Variants in DOCK10 observed in about 807,000 individuals in gnomAD.
DOCK10 encodes dedicator of cytokinesis protein 10.
DOCK10 carries 145 observed loss-of-function variants against 280.1 expected under a neutral mutation model. That is an observed-to-expected ratio of 0.52 (90% CI 0.45 to 0.59). The LOEUF (loss-of-function observed/expected upper bound fraction) is 0.59. Ranked by LOEUF, DOCK10 falls within the 20% of genes least tolerant of loss-of-function variation. The pLI is 0.00. For missense variants in DOCK10, 2,368 were observed against 2,651.7 expected (o/e 0.89, Z 2.35); for synonymous variants, 915 against 942.2 (o/e 0.97, Z 0.53).
intron 1 of DOCK10, among the ~76,000 whole-genome samples, chr2:225,033,505 T>C (rs1690139895): frequency 1.3e-5 from 2 of 152,184 alleles, no homozygotes; most frequent in South Asian, 4.1e-4. Context: ...TCTTCTAATC[T>C]CTGAGGCAGA....
rs762258455 is a variant in DOCK10, at chr2:224,775,101, A to C, written c.5817T>G (p.Asp1939Glu). The change falls in exon 52 of 56, where the codon GAT becomes GAG. Residue 1939 changes from aspartate to glutamate, a missense_variant. Transcript: ENST00000258390. ...GGATGTAGGCATATTTGGGGTCCAAATCCTTGGGGTTTACCTGTGTTAACA... is the reference window on the plus strand; with the variant it reads ...GGATGTAGGCATATTTGGGGTCCAACTCCTTGGGGTTTACCTGTGTTAACA... ...IQDSNKVNPKDLDPKYAYIQV... is the reference protein window; with the variant it reads ...IQDSNKVNPKELDPKYAYIQV... The C allele has an allele frequency of 6.2e-7, 1 of 1,613,976 alleles. No individual in the cohort carries two copies. Among genetic ancestry groups the C allele is most frequent in the Admixed American group, 1.7e-5 (1 of 60,014 alleles).
chr2:224,814,603 C>T (rs930488602), intron 30 of DOCK10, among the ~76,000 whole-genome samples: 4 of 152,138 alleles, frequency 2.6e-5, no homozygotes, highest in Admixed American at 2.0e-4. Flanking sequence ...CTGACTGCAA[C>T]CTCTGCCTCC....
chr2:224,978,186 G>A (rs1705543787), intron 1 of DOCK10, among the ~76,000 whole-genome samples: 1 of 152,190 alleles, frequency 6.6e-6, no homozygotes, highest in Non-Finnish European at 1.5e-5. Context: ...TGTAATACCA[G>A]CACTTTGGGA....
chr2:224,976,961 G>A (rs1354861977), intron 1 of DOCK10, among the ~76,000 whole-genome samples: 5 of 152,176 alleles, frequency 3.3e-5, no homozygotes, highest in Admixed American at 6.5e-5. Flanking sequence ...GTGCTGGACC[G>A]AGCAAATTCT....
intron 33 of DOCK10, among the ~76,000 whole-genome samples, chr2:224,806,535 T>C (rs1327391599): frequency 1.3e-5 from 2 of 152,184 alleles, no homozygotes; most frequent in Non-Finnish European, 2.9e-5. Context: ...ACATTATAGA[T>C]ATAATTATTA....
chr2:225,037,046 T>G (rs1690280555), intron 1 of DOCK10, among the ~76,000 whole-genome samples: 1 of 152,126 alleles, frequency 6.6e-6, no homozygotes, highest in Admixed American at 6.5e-5. Flanking sequence ...CACAACTCAG[T>G]TAAATGGTAA....
intron 1 of DOCK10, among the ~76,000 whole-genome samples, chr2:224,960,730 CT>C (rs71281764): frequency 1.5e-3 from 102 of 70,246 alleles, no homozygotes; most frequent in African/African-American, 4.1e-3. Flanking sequence ...TCACCAAATT[CT>C]TTTTTTTTTT....
At chr2:225,000,837 A>C (rs1254202343) in intron 1 of DOCK10, among the ~76,000 whole-genome samples, 1 of 152,144 alleles carries the variant, frequency 6.6e-6, no homozygotes, top group Non-Finnish European at 1.5e-5. Flanking sequence ...TTAGCTGAGC[A>C]TGGTGGCTTA....
At chr2:224,771,147 T>C (rs1690416575) in intron 53 of DOCK10, among the ~76,000 whole-genome samples, 1 of 152,046 alleles carries the variant, frequency 6.6e-6, no homozygotes, top group Non-Finnish European at 1.5e-5. Context: ...GCGGTCTCAC[T>C]ACATTGTCCC....
intron 30 of DOCK10, among the ~76,000 whole-genome samples, chr2:224,815,011 A>G (rs972261422): frequency 6.6e-6 from 1 of 152,202 alleles, no homozygotes; most frequent in African/African-American, 2.4e-5. Flanking sequence ...AGTAAGTAAT[A>G]TAGTTTGACT....
chr2:224,870,107 C>A (rs921821135), intron 11 of DOCK10, among the ~76,000 whole-genome samples: 3 of 152,158 alleles, frequency 2.0e-5, no homozygotes, highest in Non-Finnish European at 4.4e-5. Context: ...CAGTTACCCT[C>A]ATGCTGTTCT....
chr2:224,985,640 A>AAAG (rs1402341054), intron 1 of DOCK10, among the ~76,000 whole-genome samples: 1 of 151,568 alleles, frequency 6.6e-6, no homozygotes, highest in African/African-American at 2.4e-5. Context: ...GAAAAAAAAA[A>AAAG]AGAGAAAAAC....
At chr2:224,788,774 C>T (rs773663746) in intron 48 of DOCK10, among the ~76,000 whole-genome samples, 8 of 152,084 alleles carry the variant, frequency 5.3e-5, no homozygotes, top group African/African-American at 9.7e-5. Flanking sequence ...ATGATCAGTT[C>T]GCAAAATTTA....
At chr2:224,973,103 C>G (rs1325879286) in intron 1 of DOCK10, among the ~76,000 whole-genome samples, 1 of 152,030 alleles carries the variant, frequency 6.6e-6, no homozygotes, top group African/African-American at 2.4e-5. Context: ...TTCTTTGTTT[C>G]AATAAGACAA....
intron 1 of DOCK10, chr2:224,947,111 G>T: frequency 1.5e-6 from 2 of 1,314,304 alleles, no homozygotes; most frequent in Non-Finnish European, 2.0e-6. Context: ...AAGGAAAGCT[G>T]TCAAGTTACC....
Position 224,805,468 on chromosome 2 carries a change from A to G in DOCK10, c.3876T>C (p.Ser1292=), listed in dbSNP as rs1405512299. 4.3e-6 allele frequency: 7 copies of G among 1,612,790 alleles called. No homozygotes were observed. Among genetic ancestry groups the G allele is most frequent in the South Asian group, 1.1e-5 (1 of 91,060 alleles). The part of the protein sequence containing the change: ...NHADSRASLA[S]LDSNPSTNEK... ...CATTGGTACTTGGATTGGAGTCAAGACTTGCTAAAGATGCTCTGGAGTCAG... is the reference window on the plus strand; with the variant it reads ...CATTGGTACTTGGATTGGAGTCAAGGCTTGCTAAAGATGCTCTGGAGTCAG... The change falls in exon 35 of 56, where the codon AGT becomes AGC. Residue 1292 remains serine, a synonymous_variant. Coordinates refer to ENST00000258390, the MANE Select transcript of DOCK10 (RefSeq NM_014689.3). The surrounding 1 kb of genome is among the most constrained non-coding windows in gnomAD (Gnocchi z 4.3).
intron 4 of DOCK10, among the ~76,000 whole-genome samples, chr2:224,889,316 T>C (rs1322314394): frequency 1.3e-5 from 2 of 152,210 alleles, no homozygotes; most frequent in Non-Finnish European, 2.9e-5. Flanking sequence ...CCTCCCTTCA[T>C]TTTCAGCAGG....
At chr2:224,939,398 A>G (rs1035714118) in intron 1 of DOCK10, among the ~76,000 whole-genome samples, 1 of 152,236 alleles carries the variant, frequency 6.6e-6, no homozygotes, top group Non-Finnish European at 1.5e-5. Context: ...GACCATGTAT[A>G]TCTCTTATGA....
chr2:224,835,951 GATGCATTTCTA>G (rs1016665942), intron 25 of DOCK10, among the ~76,000 whole-genome samples: 1 of 152,194 alleles, frequency 6.6e-6, no homozygotes, highest in Non-Finnish European at 1.5e-5. Context: ...GTCACGCCAG[GATGCATTTCTA>G]ATGCATCTCT....
Sources: gnomAD v4.1 joint callset for allele counts (sites outside exome capture counted in the v4.1 genomes callset) on GRCh38, gnomAD v4.1.1 for gene constraint, Gnocchi (gnomAD v3.1) non-coding constraint, MANE v1.5 for transcripts, NCBI Gene and HGNC (gene_info 2026-07-23, HGNC 2026-07-21) for gene names.